The following UNC79 variants were observed in gnomAD, a reference collection of about 807,000 sequenced individuals.
UNC79 encodes the protein unc-79 subunit of NALCN channel complex.
A neutral mutation model predicts 283.1 loss-of-function variants in UNC79; 37 were observed. The observed-to-expected ratio is 0.13, with a 90% CI of 0.10 to 0.17. The LOEUF (loss-of-function observed/expected upper bound fraction) is 0.17. Ranked by LOEUF, UNC79 falls within the 10% of genes least tolerant of loss-of-function variation. UNC79 has a pLI of 1.00. For synonymous variants in UNC79, 1,107 were observed against 1,200.2 expected, an observed-to-expected ratio of 0.92 and a Z score of 1.61; for missense variants, 2,272 against 3,211.1, an observed-to-expected ratio of 0.71 and a Z score of 7.07.
rs1233202455 is a variant in UNC79, at chr14:93,474,125, T to C, written c.180T>C (p.Asp60=). ...GCACAGGGAAGAAGGAAAACCAAGA[T>C]GCCTCCAATTTGACAGTGCCCATGA... The change falls in exon 3 of 49, where the codon GAT becomes GAC. Residue 60 remains aspartate (D), a synonymous_variant. Transcript: ENST00000555664. This position sits in a 1 kb window ranked among gnomAD's most constrained non-coding sequence, Gnocchi z 4.1. 3 of 1,536,028 alleles carry C rather than the reference T, an allele frequency of 2.0e-6. No individual in the cohort carries two copies. Among genetic ancestry groups the C allele is most frequent in the South Asian group, 2.4e-5 (2 of 84,056 alleles).
chr14:93,693,781 T>C (rs2074884245), intron 46 of UNC79, among the ~76,000 whole-genome samples: 2 of 152,218 alleles, frequency 1.3e-5, no homozygotes, highest in South Asian at 2.1e-4. Context: ...GTAAATCCCC[T>C]TACCTTGCAA....
chr14:93,412,937 T>A (rs1283901170), intron 1 of UNC79, among the ~76,000 whole-genome samples: 1 of 151,904 alleles, frequency 6.6e-6, no homozygotes. Flanking sequence ...CAAAAAGAAA[T>A]CGTCTTAAGG....
chr14:93,582,308 A>C, exon 20 of UNC79: 1 of 1,614,092 alleles, frequency 6.2e-7, no homozygotes, highest in Non-Finnish European at 8.5e-7. Flanking sequence ...GCATGGGGAG[A>C]ACCCAGGCAA....
chr14:93,639,983 ACT>A (rs2068872788), intron 32 of UNC79, among the ~76,000 whole-genome samples: 1 of 151,864 alleles, frequency 6.6e-6, no homozygotes, highest in Non-Finnish European at 1.5e-5. Flanking sequence ...TTATTTAATG[ACT>A]CTTGGATTTT....
chr14:93,635,620 T>G (rs1424425431), intron 31 of UNC79, among the ~76,000 whole-genome samples: 1 of 152,186 alleles, frequency 6.6e-6, no homozygotes, highest in Non-Finnish European at 1.5e-5. Context: ...CTTGCCCTCA[T>G]TATTCTTAGA....
chr14:93,431,837 A>C (rs574679757), intron 1 of UNC79, among the ~76,000 whole-genome samples: 1 of 152,288 alleles, frequency 6.6e-6, no homozygotes, highest in East Asian at 1.9e-4. Flanking sequence ...TGGTTCCCAT[A>C]GTCTGTCTTA....
chr14:93,477,844 C>T (rs2057892286), intron 4 of UNC79, 116 bp downstream of exon 4: 1 of 960,194 alleles, frequency 1.0e-6, no homozygotes, highest in Non-Finnish European at 1.5e-6. Context: ...TTGATATATA[C>T]AGGAGCTATG....
At chr14:93,705,936 C>T (rs1337149655) in intron 48 of UNC79, among the ~76,000 whole-genome samples, 3 of 152,190 alleles carry the variant, frequency 2.0e-5, no homozygotes, top group Admixed American at 6.5e-5. Flanking sequence ...GTCCTGATTA[C>T]GGCCTTGGTG....
intron 30 of UNC79, among the ~76,000 whole-genome samples, chr14:93,624,708 C>G (rs1183174280): frequency 1.3e-5 from 2 of 152,160 alleles, no homozygotes; most frequent in African/African-American, 4.8e-5. Context: ...AATTGTATGT[C>G]TCCATAAGGC....
rs79570497 is a variant in UNC79 at position 93,441,170 on chromosome 14, C to T, written c.22+10119C>T. On this transcript the variant is annotated intron_variant, in intron 1 of 48. Coordinates refer to ENST00000555664, the Ensembl canonical transcript of UNC79. ...CTTCATTGTGAATTGTAGCCTTAAA[C>T]ATTATAAAGGGCACTTCTTTATCTA... Among the ~76,000 whole-genome samples, 5 of 152,192 alleles carry T rather than the reference C, an allele frequency of 3.3e-5. No homozygotes were observed. The East Asian group carries it at 9.6e-4, about 29-fold the overall frequency.
chr14:93,682,789 T>C, intron 42 of UNC79, 95 bp downstream of exon 45: 1 of 1,161,428 alleles, frequency 8.6e-7, no homozygotes, highest in East Asian at 2.4e-5. Context: ...GTTTGAGGCC[T>C]GCCATTTACT....
intron 1 of UNC79, among the ~76,000 whole-genome samples, chr14:93,391,670 C>T (rs2054886371): frequency 6.6e-6 from 1 of 152,144 alleles, no homozygotes; most frequent in Non-Finnish European, 1.5e-5. Context: ...CTCAAGTAAT[C>T]CTCCCACCTG....
chr14:93,389,352 G>GA (rs575478526), intron 1 of UNC79, among the ~76,000 whole-genome samples: 131 of 152,212 alleles, frequency 8.6e-4, no homozygotes, highest in African/African-American at 2.8e-3. Flanking sequence ...AATCTGGAAA[G>GA]AAAAAACAAT....
At chr14:93,695,232 A>C in intron 47 of UNC79, among the ~76,000 whole-genome samples, 1 of 152,094 alleles carries the variant, frequency 6.6e-6, no homozygotes, top group Non-Finnish European at 1.5e-5. Flanking sequence ...CACTGTCACC[A>C]ACCACCATCA....
At chr14:93,446,047 A>G (rs2056449769) in intron 1 of UNC79, among the ~76,000 whole-genome samples, 1 of 151,878 alleles carries the variant, frequency 6.6e-6, no homozygotes, top group Non-Finnish European at 1.5e-5. Context: ...AGGTTTATAC[A>G]TTTTACTGAT....
intron 25 of UNC79, among the ~76,000 whole-genome samples, chr14:93,602,554 C>G (rs2065589441): frequency 6.6e-6 from 1 of 152,138 alleles, no homozygotes. Flanking sequence ...CAGATGCATT[C>G]TTTTTGCTTA....
intron 27 of UNC79, among the ~76,000 whole-genome samples, chr14:93,615,720 C>CAAAAAAAAAAAAAAAAAAAAA (rs1158073507): frequency 4.3e-4 from 10 of 23,270 alleles, no homozygotes; most frequent in African/African-American, 6.1e-4. Flanking sequence ...GACTCCATCT[C>CAAAAAAAAAAAAAAAAAAAAA]AAAAAAAAAA....
At chr14:93,610,876 G>A (rs1196171980) in intron 26 of UNC79, among the ~76,000 whole-genome samples, 2 of 152,108 alleles carry the variant, frequency 1.3e-5, no homozygotes, top group African/African-American at 4.8e-5. Context: ...CTCCCAAAGT[G>A]CTGGGATTAC....
chr14:93,631,758 C>T (rs146598726), intron 31 of UNC79, among the ~76,000 whole-genome samples: 1 of 152,332 alleles, frequency 6.6e-6, no homozygotes, highest in African/African-American at 2.4e-5. Context: ...GGAACATCAT[C>T]ATCTTCATTG....
Sources: gnomAD v4.1 joint callset for allele counts (sites outside exome capture counted in the v4.1 genomes callset) on GRCh38, gnomAD v4.1.1 for gene constraint, Gnocchi (gnomAD v3.1) non-coding constraint, MANE v1.5 for transcripts, NCBI Gene and HGNC (gene_info 2026-07-23, HGNC 2026-07-21) for gene names.